ITPRID1: variants seen among roughly 807,000 people sequenced by gnomAD.
ITPRID1 encodes ITPR interacting domain containing 1.
Under a neutral mutation model 95.4 loss-of-function variants are expected in ITPRID1, and 96 were observed. The ratio of observed to expected loss-of-function variants is 1.01; its 90% CI spans 0.85 to 1.19. The LOEUF is 1.19. ITPRID1 is among the 50% of genes most tolerant of loss of function. The probability of loss-of-function intolerance (pLI) is 0.00; values close to 1 mark genes in which losing one functional copy is unlikely to be tolerated. For missense variants in ITPRID1, 1,339 were observed against 1,252.9 expected, an observed-to-expected ratio of 1.07 and a Z score of -1.04; for synonymous variants, 510 against 453.6, an observed-to-expected ratio of 1.12 and a Z score of -1.58.
chr7:31,612,916 T>C (rs932420636), intron 10 of ITPRID1, among the ~76,000 whole-genome samples: 1 of 152,172 alleles, frequency 6.6e-6, no homozygotes, highest in African/African-American at 2.4e-5. Flanking sequence ...TTTGCCCCAG[T>C]TGGTATCACT....
At chr7:31,555,191 G>A (rs1453212378) in intron 5 of ITPRID1, 1 of 261,038 alleles carries the variant, frequency 3.8e-6, no homozygotes, top group African/African-American at 2.2e-5. Flanking sequence ...CAAGGATGTA[G>A]TTATGAAAAT....
At chr7:31,642,395 G>T in intron 11 of ITPRID1, 137 bp downstream of exon 11, 1 of 687,722 alleles carries the variant, frequency 1.5e-6, no homozygotes, top group Non-Finnish European at 2.4e-6. Context: ...CAATTGGAAA[G>T]GTTGAGAAGG....
chr7:31,573,524 A>G (rs1296239771), intron 7 of ITPRID1, among the ~76,000 whole-genome samples: 2 of 152,170 alleles, frequency 1.3e-5, no homozygotes, highest in Non-Finnish European at 2.9e-5. Context: ...AGTTAATCCA[A>G]TTTCAATTAG....
intron 10 of ITPRID1, among the ~76,000 whole-genome samples, chr7:31,592,023 G>A (rs1785887668): frequency 6.6e-6 from 1 of 152,228 alleles, no homozygotes; most frequent in South Asian, 2.1e-4. Context: ...TATCTCATTA[G>A]CAACATAAAA....
chr7:31,587,749 G>C (rs1200378370), intron 10 of ITPRID1, among the ~76,000 whole-genome samples: 2 of 150,692 alleles, frequency 1.3e-5, no homozygotes, highest in African/African-American at 2.5e-5. Context: ...ATACTACAAG[G>C]CTACAGTAAC....
At chr7:31,572,628 T>G (rs552233858) in intron 7 of ITPRID1, among the ~76,000 whole-genome samples, 1 of 152,280 alleles carries the variant, frequency 6.6e-6, no homozygotes, top group Non-Finnish European at 1.5e-5. Flanking sequence ...ACACATAGGT[T>G]TAACTGGAAG....
Position 31,549,412 on chromosome 7 carries a change from T to A in ITPRID1, c.-97-14T>A, listed in dbSNP as rs1457571491. 2.1e-6 allele frequency: 3 copies of A among 1,399,026 alleles called. No homozygotes were observed. Among genetic ancestry groups the A allele is most frequent in the Non-Finnish European group, 2.8e-6 (3 of 1,079,892 alleles). The allele number at this position is 1,399,026 out of a possible 1,614,324, so 86.7% of individuals were successfully genotyped here. ...AATGATTGCATTGATTGGTGATTCT[T>A]CTTTACTTGACAGTTCCTGACAGGA... On this transcript the variant is annotated splice_polypyrimidine_tract_variant and intron_variant, in intron 1 of 14. Transcript: ENST00000615280.
chr7:31,655,859 C>G lies in ITPRID1; in HGVS notation c.*3030C>G, dbSNP rs370217969. ...TTTCTTCCTTGCTCCTTCCCTGTAA[C>G]GCCTACGGAATGAAGAGGAACACCT... On this transcript the variant is annotated 3_prime_UTR_variant, in exon 15 of 15. Transcript: ENST00000615280. 1.0e-6 allele frequency: 1 copy of G among 985,402 alleles called. No homozygotes were observed. Among genetic ancestry groups the G allele is most frequent in the South Asian group, 4.7e-5 (1 of 21,284 alleles). 61.0% of individuals were successfully genotyped at this position (985,402 alleles called of 1,614,324 possible). A position where few individuals can be genotyped will look rare whatever the true frequency, so the allele number is the denominator to read the frequency against.
chr7:31,542,265 T>C (rs1783956725), intron 1 of ITPRID1, among the ~76,000 whole-genome samples: 1 of 152,320 alleles, frequency 6.6e-6, no homozygotes, highest in African/African-American at 2.4e-5. Context: ...TTTCATTCCA[T>C]GTGTCCTAGG....
At chr7:31,632,868 T>C (rs1429741857) in intron 10 of ITPRID1, among the ~76,000 whole-genome samples, 1 of 151,350 alleles carries the variant, frequency 6.6e-6, no homozygotes, top group African/African-American at 2.4e-5. Flanking sequence ...ATTTTTATTT[T>C]TATTTATTTA....
At position 31,569,757 on chromosome 7, in the gene ITPRID1, G is replaced by T. The variant is rs1034579177; in HGVS notation, c.257-1G>T. On this transcript the variant is annotated splice_acceptor_variant, in intron 5 of 14. Coordinates refer to ENST00000615280, the MANE Select transcript of ITPRID1 (RefSeq NM_001257967.3). LOFTEE classifies it high-confidence loss of function. ...CCCCTCTACTTTTTTTGTTGTTGCAGTTTCTTTGTATGAACAAGGGATGGT... is the reference window on the plus strand; with the variant it reads ...CCCCTCTACTTTTTTTGTTGTTGCATTTTCTTTGTATGAACAAGGGATGGT... 7.6e-6 allele frequency: 12 copies of T among 1,578,910 alleles called. No homozygotes were observed. Among genetic ancestry groups the T allele is most frequent in the Non-Finnish European group, 1.0e-5 (12 of 1,161,214 alleles).
rs1253586645 is a variant in ITPRID1, at chr7:31,654,676, G to T, written c.*1847G>T. Among the ~76,000 whole-genome samples the T allele has an allele frequency of 6.6e-6, 1 of 152,152 alleles. No individual in the cohort carries two copies. Among genetic ancestry groups the T allele is most frequent in the Admixed American group, 6.5e-5 (1 of 15,278 alleles). Reference sequence around the variant, plus strand: ...GAAATGCAGGGAATGGCACACAAAGGCCAGAGGCACTGGGTCTCTAAGGAA... The same window carrying T: ...GAAATGCAGGGAATGGCACACAAAGTCCAGAGGCACTGGGTCTCTAAGGAA... On this transcript the variant is annotated 3_prime_UTR_variant, in exon 15 of 15. Transcript: ENST00000615280.
At chr7:31,648,106 G>A (rs1790646208) in intron 12 of ITPRID1, among the ~76,000 whole-genome samples, 1 of 152,088 alleles carries the variant, frequency 6.6e-6, no homozygotes, top group Admixed American at 6.6e-5. Flanking sequence ...TAAGATTTCT[G>A]AATATTAGAA....
intron 1 of ITPRID1, among the ~76,000 whole-genome samples, chr7:31,540,802 C>A (rs1015360645): frequency 2.6e-5 from 4 of 152,142 alleles, no homozygotes; most frequent in African/African-American, 4.8e-5. Flanking sequence ...GGGTTCCCGG[C>A]CTGTCAGAAA....
chr7:31,574,659 G>A lies in ITPRID1; in HGVS notation c.515G>A (p.Gly172Asp). The A allele has an allele frequency of 1.2e-6, 2 of 1,613,886 alleles. No individual in the cohort carries two copies. The highest frequency in any genetic ancestry group is 1.3e-5 in the African/African-American group (1 of 74,998). The change falls in exon 8 of 15, where the codon GGC (glycine) becomes GAC (aspartate). Residue 172 changes from glycine to aspartate, a missense_variant. Gly to Asp is a moderately conservative substitution (Grantham distance 94). Coordinates refer to ENST00000615280, the MANE Select transcript of ITPRID1 (RefSeq NM_001257967.3). ...ATCCCAGCCAGATTCCTTGGTTGTG[G>A]CTCAGCAGCCAGAGGAATCAACATC... The part of the protein sequence containing the change: ...MQIPARFLGC[G>D]SAARGINIRV...
At chr7:31,540,723 T>C (rs1173572978) in intron 1 of ITPRID1, among the ~76,000 whole-genome samples, 1 of 152,226 alleles carries the variant, frequency 6.6e-6, no homozygotes, top group African/African-American at 2.4e-5. Flanking sequence ...AGCCCAGCCA[T>C]GGATTTGTAC....
At chr7:31,619,587 G>C (rs561816008) in intron 10 of ITPRID1, among the ~76,000 whole-genome samples, 1 of 152,170 alleles carries the variant, frequency 6.6e-6, no homozygotes, top group East Asian at 1.9e-4. Flanking sequence ...AAGTAAGTTT[G>C]TAAAGAGTGT....
At chr7:31,531,092 A>G (rs1267141830) in intron 1 of ITPRID1, among the ~76,000 whole-genome samples, 1 of 152,230 alleles carries the variant, frequency 6.6e-6, no homozygotes, top group East Asian at 1.9e-4. Context: ...GAGGGAGCCC[A>G]AATGGAGCTG....
At chr7:31,569,935 GT>G in intron 6 of ITPRID1, 126 bp downstream of exon 6, 1 of 690,458 alleles carries the variant, frequency 1.4e-6, no homozygotes, top group Non-Finnish European at 2.4e-6. Context: ...AAGGTAACTG[GT>G]TTAGTCACAG....
Sources: gnomAD v4.1 joint callset for allele counts (sites outside exome capture counted in the v4.1 genomes callset) on GRCh38, gnomAD v4.1.1 for gene constraint, MANE v1.5 for transcripts, NCBI Gene and HGNC (gene_info 2026-07-23, HGNC 2026-07-21) for gene names.